Variants in DNAH12 observed in about 807,000 individuals in gnomAD.
DNAH12 encodes the protein dynein axonemal heavy chain 12.
A neutral mutation model predicts 371.5 loss-of-function variants in DNAH12; 285 were observed. The observed-to-expected ratio is 0.77, with a 90% CI of 0.70 to 0.85. DNAH12 has a LOEUF of 0.85. DNAH12 is among the 40% of genes least tolerant of loss of function. DNAH12 has a pLI of 0.00. For synonymous variants in DNAH12, 1,200 were observed against 1,213.0 expected, an observed-to-expected ratio of 0.99 and a Z score of 0.22; for missense variants, 3,611 against 3,689.4, an observed-to-expected ratio of 0.98 and a Z score of 0.55.
At position 57,386,079 on chromosome 3, in the gene DNAH12, C is replaced by T. The variant is rs963716477; in HGVS notation, c.7602+362G>A. On this transcript the variant is annotated intron_variant, in intron 47 of 73. Transcript: ENST00000495027. ...CTAACACTAGTAAGTATTACTAGCA[C>T]TTGACTCATTAAAAAAACCACAAAT... is the stretch of plus-strand genomic sequence containing the variant. Among the ~76,000 whole-genome samples, 438 of 152,176 alleles carry T rather than the reference C, an allele frequency of 2.9e-3. 2 individuals carry two copies. The highest frequency in any genetic ancestry group is 9.9e-3 in the African/African-American group (413 of 41,512).
At chr3:57,410,029 T>C (rs1015678612) in intron 39 of DNAH12, among the ~76,000 whole-genome samples, 1 of 152,182 alleles carries the variant, frequency 6.6e-6, no homozygotes, top group African/African-American at 2.4e-5. Flanking sequence ...GGTTGGGCAC[T>C]ACCCACAAAT....
chr3:57,520,567 C>A (rs925820672), intron 4 of DNAH12, among the ~76,000 whole-genome samples: 1 of 151,548 alleles, frequency 6.6e-6, no homozygotes, highest in Non-Finnish European at 1.5e-5. Flanking sequence ...CTCAGCCTCC[C>A]GAGTAGCTGG....
At position 57,405,087 on chromosome 3, in the gene DNAH12, C is replaced by T. The variant is rs782270840; in HGVS notation, c.6637G>A (p.Gly2213Arg). 2.0e-5 allele frequency: 31 copies of T among 1,546,084 alleles called. No homozygotes were observed. Among genetic ancestry groups the T allele is most frequent in the Non-Finnish European group, 2.5e-5 (29 of 1,145,240 alleles). ...ATTTCAATATAAACTCTATCATCTC[C>T]TTCAAGGTCAGGATTCATATAATCA... ...FGDYMNPDLEGDDRVYIEIPN... is the reference protein window; with the variant it reads ...FGDYMNPDLERDDRVYIEIPN... The change falls in exon 42 of 74, where the codon GGA becomes AGA. Residue 2213 changes from glycine to arginine, a missense_variant. Gly to Arg is a moderately radical substitution (Grantham distance 125). Around this residue, in one of 3 missense-constraint regions of DNAH12, gnomAD observed 2,266 missense variants for 2,236.9 expected, o/e 1.01. Coordinates refer to ENST00000495027, the MANE Select transcript of DNAH12 (RefSeq NM_001366028.2).
At chr3:57,519,655 C>T (rs1213399768) in intron 4 of DNAH12, 2 of 1,469,712 alleles carry the variant, frequency 1.4e-6, no homozygotes, top group African/African-American at 2.8e-5. Context: ...CACTAAGAAG[C>T]CTTCTAACCG....
At position 57,293,717 on chromosome 3, in the gene DNAH12, ATATT is replaced by A; in HGVS notation, c.*60_*63del. On this transcript the variant is annotated 3_prime_UTR_variant, in exon 74 of 74. Transcript: ENST00000495027. Reference sequence around the variant, plus strand: ...CAAAACACTTGGTTTTATAATGTATATATTTTAAGTAGGACAGGTTTTTTTTTTT... The same window carrying A: ...CAAAACACTTGGTTTTATAATGTATATTAAGTAGGACAGGTTTTTTTTTTT... The A allele has an allele frequency of 6.8e-7, 1 of 1,463,688 alleles. No homozygotes were observed. Among genetic ancestry groups the A allele is most frequent in the Non-Finnish European group, 9.2e-7 (1 of 1,090,472 alleles). The allele number at this position is 1,463,688 out of a possible 1,614,324, so 90.7% of individuals were successfully genotyped here. A position where few individuals can be genotyped will look rare whatever the true frequency, so the allele number is the denominator to read the frequency against.
At chr3:57,352,299 C>G in intron 59 of DNAH12, 74 bp from the exon 60 acceptor site, 3 of 1,397,424 alleles carry the variant, frequency 2.1e-6, no homozygotes, top group Non-Finnish European at 2.9e-6. Context: ...TTAACATATA[C>G]ACTTTTTATT....
chr3:57,434,431 C>G (rs1020182543), intron 30 of DNAH12, among the ~76,000 whole-genome samples: 1 of 152,070 alleles, frequency 6.6e-6, no homozygotes, highest in Non-Finnish European at 1.5e-5. Flanking sequence ...GTGGTCATGA[C>G]GAGCAGGGCT....
rs1252286738 is a variant in DNAH12 at position 57,310,845 on chromosome 3, G to A, written c.10768C>T (p.Leu3590=). Residue 3590 remains leucine, a synonymous_variant, in exon 67 of 74, where the codon CTA becomes TTA. Coordinates refer to ENST00000495027, the MANE Select transcript of DNAH12 (RefSeq NM_001366028.2). ...TAAAAGTCAGCCAGCATGGTTAATAGAAGACGTCTGTCCCAATCGTCTGTC... is the reference window on the plus strand; with the variant it reads ...TAAAAGTCAGCCAGCATGGTTAATAAAAGACGTCTGTCCCAATCGTCTGTC... ...RVTDDWDRRL[L]LTMLADFYNL... is the part of the protein sequence containing the mutation. 6.4e-7 allele frequency: 1 copy of A among 1,551,504 alleles called. No individual in the cohort carries two copies. The highest frequency in any genetic ancestry group is 2.4e-5 in the East Asian group (1 of 40,898).
intron 60 of DNAH12, among the ~76,000 whole-genome samples, chr3:57,339,807 C>T (rs2062348841): frequency 6.6e-6 from 1 of 152,110 alleles, no homozygotes; most frequent in Non-Finnish European, 1.5e-5. Context: ...AAATACCTCA[C>T]CCCTGTAATC....
chr3:57,323,729 A>C, intron 62 of DNAH12, 110 bp from the exon 63 acceptor site: 1 of 1,155,260 alleles, frequency 8.7e-7, no homozygotes, highest in Non-Finnish European at 1.2e-6. Context: ...TGGTCAAAAA[A>C]AGCATATAGC....
chr3:57,428,459 C>G, intron 34 of DNAH12, 174 bp downstream of exon 34: 1 of 1,533,774 alleles, frequency 6.5e-7, no homozygotes, highest in Non-Finnish European at 8.8e-7. Flanking sequence ...TGGAATAATT[C>G]AACCCCTGAG....
At chr3:57,352,717 G>A (rs1332754402) in intron 59 of DNAH12, among the ~76,000 whole-genome samples, 2 of 151,962 alleles carry the variant, frequency 1.3e-5, no homozygotes, top group Admixed American at 6.6e-5. Context: ...GGAGGGAAAT[G>A]TAACAGACAA....
At chr3:57,341,691 G>A (rs1290225414) in intron 60 of DNAH12, among the ~76,000 whole-genome samples, 1 of 151,746 alleles carries the variant, frequency 6.6e-6, no homozygotes, top group Non-Finnish European at 1.5e-5. Context: ...TACTACCCAA[G>A]GTGATCAAAA....
chr3:57,400,858 C>G (rs1296039833), intron 43 of DNAH12, among the ~76,000 whole-genome samples: 2 of 152,134 alleles, frequency 1.3e-5, no homozygotes, highest in Admixed American at 1.3e-4. Flanking sequence ...CATTGTAGAC[C>G]AACTGATCTA....
the DNAH12 span, among the ~76,000 whole-genome samples, chr3:57,554,145 GACAT>G: frequency 5.8e-4 from 80 of 137,516 alleles, no homozygotes; most frequent in African/African-American, 1.1e-3. Context: ...AAATTAGCCA[GACAT>G]GGCAGTGCAC....
chr3:57,431,707 C>T (rs13084781), intron 32 of DNAH12, among the ~76,000 whole-genome samples: 97,458 of 152,032 alleles, frequency 0.64, 31,491 homozygotes, highest in South Asian at 0.78. Flanking sequence ...GTAGAGAGTA[C>T]CTCACAAAGG....
chr3:57,510,982 G>A lies in DNAH12; in HGVS notation c.280-3C>T. 6.3e-7 allele frequency: 1 copy of A among 1,578,734 alleles called. No homozygotes were observed. Among genetic ancestry groups the A allele is most frequent in the Non-Finnish European group, 8.6e-7 (1 of 1,169,434 alleles). On this transcript the variant is annotated splice_polypyrimidine_tract_variant and splice_region_variant and intron_variant, in intron 4 of 73. Transcript: ENST00000495027. ...TGCTTCATATAAATATAGTTGAACT[G>A]AGAACATAAGAAAAAATTAAATGTT...
chr3:57,528,505 C>T (rs369798464), intron 2 of DNAH12, among the ~76,000 whole-genome samples: 148,448 of 148,454 alleles, frequency 1, 74,221 homozygotes, highest in Middle Eastern at 1. Context: ...GGGGGGGGAT[C>T]CCCTGAGGTC....
chr3:57,478,149 C>A (rs373865749), intron 13 of DNAH12, among the ~76,000 whole-genome samples: 17 of 152,112 alleles, frequency 1.1e-4, no homozygotes, highest in East Asian at 7.7e-4. Flanking sequence ...AAGTTCGAAC[C>A]CATGGCAAAG....
Sources: gnomAD v4.1 joint callset for allele counts (sites outside exome capture counted in the v4.1 genomes callset) on GRCh38, gnomAD v4.1.1 for gene constraint, gnomAD v4.1.1 regional missense constraint, MANE v1.5 for transcripts, NCBI Gene and HGNC (gene_info 2026-07-23, HGNC 2026-07-21) for gene names.